Variants in FOXP2 observed in about 807,000 individuals in gnomAD.
FOXP2 encodes the protein forkhead box P2.
Under a neutral mutation model 115.8 loss-of-function variants are expected in FOXP2, and 12 were observed. That is an observed-to-expected ratio of 0.10 (90% CI 0.07 to 0.17). The LOEUF (loss-of-function observed/expected upper bound fraction) is 0.17. Among genes scored for constraint, FOXP2 ranks in the 10% least tolerant of loss-of-function variants. FOXP2 has a pLI of 1.00. For missense variants in FOXP2, 629 were observed against 843.5 expected (o/e 0.75, Z 3.15); for synonymous variants, 328 against 297.7 (o/e 1.10, Z -1.05).
intron 2 of FOXP2, among the ~76,000 whole-genome samples, chr7:114,314,378 C>G (rs1338454053): frequency 6.6e-6 from 1 of 151,798 alleles, no homozygotes; most frequent in Non-Finnish European, 1.5e-5. Context: ...CTGTCTTTTG[C>G]TTAGTAAGCT....
At chr7:114,228,271 T>C (rs572659482) in intron 1 of FOXP2, among the ~76,000 whole-genome samples, 1 of 152,144 alleles carries the variant, frequency 6.6e-6, no homozygotes, top group South Asian at 2.1e-4. Context: ...TTTGTGTTTT[T>C]ACTTTGTTTC....
chr7:114,158,704 C>T (rs1792739199), upstream of FOXP2, among the ~76,000 whole-genome samples: 1 of 152,050 alleles, frequency 6.6e-6, no homozygotes. Context: ...AACCTAACGA[C>T]TACATGCAAA....
chr7:114,250,629 C>A (rs1795415758), intron 1 of FOXP2, among the ~76,000 whole-genome samples: 1 of 152,010 alleles, frequency 6.6e-6, no homozygotes, highest in Non-Finnish European at 1.5e-5. Context: ...TAACATTTGC[C>A]CACTTTTCGA....
At chr7:114,454,062 A>C (rs1795182070) in intron 2 of FOXP2, among the ~76,000 whole-genome samples, 2 of 151,630 alleles carry the variant, frequency 1.3e-5, no homozygotes, top group South Asian at 4.2e-4. Context: ...AAAAGAAACT[A>C]CCATCAGAGT....
upstream of FOXP2, among the ~76,000 whole-genome samples, chr7:114,160,897 G>A (rs1290818942): frequency 6.6e-6 from 1 of 151,988 alleles, no homozygotes; most frequent in Non-Finnish European, 1.5e-5. Context: ...CTGTGAAGAA[G>A]AGTCTGGCAT....
At chr7:114,582,616 A>G (rs900628665) in intron 3 of FOXP2, among the ~76,000 whole-genome samples, 3 of 152,218 alleles carry the variant, frequency 2.0e-5, no homozygotes, top group Admixed American at 6.5e-5. Context: ...CTCAGAGTTG[A>G]TGGATTAGCA....
chr7:114,302,030 A>G (rs903737753), intron 2 of FOXP2, among the ~76,000 whole-genome samples: 1 of 152,200 alleles, frequency 6.6e-6, no homozygotes, highest in African/African-American at 2.4e-5. Context: ...AAGTGGAAGT[A>G]AATCCCTGAG....
intron 1 of FOXP2, among the ~76,000 whole-genome samples, chr7:114,180,811 A>G (rs1793436414): frequency 6.6e-6 from 1 of 151,914 alleles, no homozygotes; most frequent in African/African-American, 2.4e-5. Flanking sequence ...ATGCTATCCT[A>G]GTCTAAAACT....
chr7:114,101,009 AAC>A (rs1562964278), intron 1 of FOXP2, among the ~76,000 whole-genome samples: 1 of 152,130 alleles, frequency 6.6e-6, no homozygotes, highest in Non-Finnish European at 1.5e-5. Context: ...ATGCTCAGGA[AAC>A]ACAGGACTCC....
At chr7:114,515,520 G>T (rs1296422695) in intron 2 of FOXP2, among the ~76,000 whole-genome samples, 7 of 152,210 alleles carry the variant, frequency 4.6e-5, no homozygotes, top group South Asian at 4.1e-4. Context: ...TGTCTTCTTT[G>T]GAGAAGTGTC....
chr7:114,116,467 A>C (rs117957914), intron 1 of FOXP2, among the ~76,000 whole-genome samples: 2,795 of 152,290 alleles, frequency 0.018, 36 homozygotes, highest in Non-Finnish European at 0.027. Flanking sequence ...GAAGATTAGA[A>C]TTGTATTACA....
intron 1 of FOXP2, among the ~76,000 whole-genome samples, chr7:114,284,317 T>C (rs201664288): frequency 6.6e-6 from 1 of 152,150 alleles, no homozygotes; most frequent in East Asian, 1.9e-4. Context: ...CCTAACCATA[T>C]TGCATATTCC....
At chr7:114,653,818 G>T (rs1806421711) in intron 9 of FOXP2, 108 bp from the exon 10 acceptor site, 4 of 1,217,024 alleles carry the variant, frequency 3.3e-6, no homozygotes, top group Non-Finnish European at 4.8e-6. Context: ...ACTTTTACAT[G>T]CAGGAATCAT....
At chr7:114,377,778 C>CA in intron 2 of FOXP2, among the ~76,000 whole-genome samples, 1 of 152,260 alleles carries the variant, frequency 6.6e-6, no homozygotes, top group South Asian at 2.1e-4. Context: ...TTTTAAGAAA[C>CA]AAAAATTAGT....
chr7:114,150,781 T>C lies in FOXP2; in HGVS notation c.-246-12163T>C, dbSNP rs184910641. Among the ~76,000 whole-genome samples the C allele has an allele frequency of 8.5e-4, 129 of 152,160 alleles. 1 individual carries two copies. In the Middle Eastern group the frequency reaches 0.01, roughly 12 times the overall value. On this transcript the variant is annotated intron_variant, in intron 1 of 19. Transcript: ENST00000635638. ...GTGGTTTTCCTAGATATCAATTTTC[T>C]CTCTTTGGCTGAACTATGTGTTTCT...
At chr7:114,654,119 G>T (rs891875542) in intron 10 of FOXP2, 110 bp downstream of exon 10, 1 of 1,586,756 alleles carries the variant, frequency 6.3e-7, no homozygotes, top group Non-Finnish European at 8.6e-7. Flanking sequence ...GAAAAATACG[G>T]CAATAAAATG....
chr7:114,547,960 G>A (rs929158343), intron 3 of FOXP2, among the ~76,000 whole-genome samples: 1 of 152,118 alleles, frequency 6.6e-6, no homozygotes, highest in East Asian at 1.9e-4. Context: ...ACTCTGTTTA[G>A]GATTATAGAT....
intron 2 of FOXP2, among the ~76,000 whole-genome samples, chr7:114,348,104 C>T (rs1018287827): frequency 8.6e-5 from 13 of 151,864 alleles, no homozygotes; most frequent in African/African-American, 2.7e-4. Context: ...TAGAGAATTA[C>T]GTGGTAAATC....
chr7:114,517,206 T>C (rs1012390162), intron 2 of FOXP2, among the ~76,000 whole-genome samples: 5 of 152,168 alleles, frequency 3.3e-5, no homozygotes, highest in Admixed American at 2.6e-4. Context: ...ACTTGTTTTC[T>C]TATTATTGAG....
Sources: allele counts gnomAD v4.1 joint callset (sites outside exome capture counted in the v4.1 genomes callset), GRCh38; gene constraint gnomAD v4.1.1; transcripts MANE v1.5; gene names NCBI Gene and HGNC (gene_info 2026-07-23, HGNC 2026-07-21).